MCTP1: variants seen among roughly 807,000 people sequenced by gnomAD.
The protein encoded by MCTP1 is multiple C2 and transmembrane domain-containing protein 1.
In MCTP1, 69 loss-of-function variants were observed where a neutral mutation model predicts 120.6. The ratio of observed to expected loss-of-function variants is 0.57; its 90% CI spans 0.47 to 0.70. The LOEUF (loss-of-function observed/expected upper bound fraction) is 0.70, where lower values mean the gene tolerates loss of function less well. Among genes scored for constraint, MCTP1 ranks in the 30% least tolerant of loss-of-function variants. The probability of loss-of-function intolerance (pLI) is 0.00; values close to 1 mark genes in which losing one functional copy is unlikely to be tolerated. For missense variants in MCTP1, 1,203 were observed against 1,248.8 expected, an observed-to-expected ratio of 0.96 and a Z score of 0.55; for synonymous variants, 529 against 493.1, an observed-to-expected ratio of 1.07 and a Z score of -0.96.
intron 1 of MCTP1, among the ~76,000 whole-genome samples, chr5:95,096,927 C>T (rs1756312963): frequency 6.6e-6 from 1 of 151,942 alleles, no homozygotes; most frequent in Non-Finnish European, 1.5e-5. Flanking sequence ...AGACGGGAGC[C>T]CCAGCTACAC....
At chr5:94,926,527 T>C (rs1813165824) in intron 6 of MCTP1, among the ~76,000 whole-genome samples, 2 of 152,234 alleles carry the variant, frequency 1.3e-5, no homozygotes, top group Admixed American at 1.3e-4. Context: ...TATCAATTGT[T>C]ACGTTAACCA....
intron 1 of MCTP1, among the ~76,000 whole-genome samples, chr5:95,030,467 C>A (rs1229960960): frequency 1.3e-5 from 2 of 152,264 alleles, no homozygotes; most frequent in Non-Finnish European, 2.9e-5. Context: ...CACTCTCAGC[C>A]CCACAGGAGG....
chr5:94,880,318 C>T (rs1799784407), intron 12 of MCTP1, among the ~76,000 whole-genome samples: 1 of 152,060 alleles, frequency 6.6e-6, no homozygotes, highest in African/African-American at 2.4e-5. Context: ...TAAATATATA[C>T]TCAATTAGAC....
At chr5:94,941,849 A>T (rs4995913) in intron 4 of MCTP1, among the ~76,000 whole-genome samples, 36,522 of 151,760 alleles carry the variant, frequency 0.24, 4,702 homozygotes, top group East Asian at 0.51. Context: ...AAATACAACC[A>T]ACCTGCCTCC....
At chr5:94,950,725 G>A (rs1161371251) in intron 3 of MCTP1, among the ~76,000 whole-genome samples, 1 of 151,930 alleles carries the variant, frequency 6.6e-6, no homozygotes. Flanking sequence ...AGGCCGAGGA[G>A]GGCAGATCAC....
chr5:95,275,440 T>C (rs1030317361), intron 1 of MCTP1, among the ~76,000 whole-genome samples: 1 of 152,186 alleles, frequency 6.6e-6, no homozygotes, highest in Non-Finnish European at 1.5e-5. Context: ...CCAAACCCTC[T>C]TGGCTCCTTG....
chr5:95,167,740 A>C (rs1746613250), intron 1 of MCTP1, among the ~76,000 whole-genome samples: 1 of 152,178 alleles, frequency 6.6e-6, no homozygotes, highest in Non-Finnish European at 1.5e-5. Flanking sequence ...TCCTTTGCCC[A>C]CTTGTAGATG....
chr5:95,169,014 G>C (rs1746838463), intron 1 of MCTP1, among the ~76,000 whole-genome samples: 1 of 152,112 alleles, frequency 6.6e-6, no homozygotes, highest in East Asian at 1.9e-4. Context: ...TGCCCATTCA[G>C]TATGATATTG....
chr5:95,173,159 T>C (rs1434416398), intron 1 of MCTP1, among the ~76,000 whole-genome samples: 3 of 152,168 alleles, frequency 2.0e-5, no homozygotes, highest in Non-Finnish European at 4.4e-5. Context: ...TACTAAAACA[T>C]CTACTTTGAA....
chr5:95,207,621 G>T (rs185553851), intron 1 of MCTP1, among the ~76,000 whole-genome samples: 1 of 152,066 alleles, frequency 6.6e-6, no homozygotes, highest in Admixed American at 6.6e-5. Context: ...AATCCAGAGA[G>T]GTAAGTGCAA....
chr5:94,740,074 C>T (rs899051025), intron 19 of MCTP1, among the ~76,000 whole-genome samples: 3 of 152,132 alleles, frequency 2.0e-5, no homozygotes, highest in African/African-American at 4.8e-5. Flanking sequence ...GAATCATACA[C>T]GTATTGGAAA....
intron 19 of MCTP1, among the ~76,000 whole-genome samples, chr5:94,763,147 G>A (rs954905363): frequency 5.9e-5 from 9 of 152,072 alleles, no homozygotes; most frequent in African/African-American, 1.9e-4. Flanking sequence ...CAGAGCTATT[G>A]TAAAACATCC....
chr5:95,228,831 T>C (rs1347411011), intron 1 of MCTP1, among the ~76,000 whole-genome samples: 3 of 152,168 alleles, frequency 2.0e-5, no homozygotes, highest in East Asian at 3.9e-4. Flanking sequence ...GCTTTCACCA[T>C]GTGAAGTGCC....
intron 1 of MCTP1, among the ~76,000 whole-genome samples, chr5:95,103,338 G>A (rs943316890): frequency 1.3e-5 from 2 of 151,944 alleles, no homozygotes; most frequent in Non-Finnish European, 2.9e-5. Flanking sequence ...TTAAAGTGGA[G>A]AAAAAGGTTT....
At chr5:95,173,202 T>C (rs1226229387) in intron 1 of MCTP1, among the ~76,000 whole-genome samples, 2 of 152,198 alleles carry the variant, frequency 1.3e-5, no homozygotes, top group Admixed American at 6.5e-5. Flanking sequence ...TTAGAGCCCA[T>C]GAGGCTACAA....
chr5:95,004,234 G>C (rs745693429), intron 2 of MCTP1, among the ~76,000 whole-genome samples: 17 of 152,186 alleles, frequency 1.1e-4, no homozygotes, highest in Non-Finnish European at 1.9e-4. Flanking sequence ...TGGCCTGGCT[G>C]CTTCTAAGAG....
chr5:95,095,250 C>G (rs1020999457), intron 1 of MCTP1, among the ~76,000 whole-genome samples: 2 of 151,794 alleles, frequency 1.3e-5, no homozygotes, highest in Admixed American at 6.6e-5. Flanking sequence ...GTCTCGATCT[C>G]CTGACCTCGT....
intron 6 of MCTP1, chr5:94,930,604 A>C (rs1814423552): frequency 6.6e-6 from 1 of 152,088 alleles, no homozygotes; most frequent in African/African-American, 2.4e-5. Flanking sequence ...CCTTTTATAC[A>C]ATAGAATGGA....
At chr5:95,081,459 T>C in intron 1 of MCTP1, 1 of 1,612,502 alleles carries the variant, frequency 6.2e-7, no homozygotes, top group Non-Finnish European at 8.5e-7. Context: ...TGCAGGCACT[T>C]TTCAGCTTGC....
Sources: allele counts gnomAD v4.1 joint callset (sites outside exome capture counted in the v4.1 genomes callset), GRCh38; gene constraint gnomAD v4.1.1; transcripts MANE v1.5; gene names NCBI Gene and HGNC (gene_info 2026-07-23, HGNC 2026-07-21).